Variants in CCDC7 observed in about 807,000 individuals in gnomAD.
The protein encoded by CCDC7 is coiled-coil domain containing 7.
In CCDC7, 183 loss-of-function variants were observed where a neutral mutation model predicts 196.9. The observed-to-expected ratio is 0.93, with a 90% CI of 0.82 to 1.05. The LOEUF (loss-of-function observed/expected upper bound fraction) is 1.05. Among genes scored for constraint, CCDC7 ranks in the 50% least tolerant of loss-of-function variants. CCDC7 has a pLI of 0.00. For missense variants in CCDC7, 1,540 were observed against 1,482.2 expected, an observed-to-expected ratio of 1.04 and a Z score of -0.64; for synonymous variants, 525 against 484.6, an observed-to-expected ratio of 1.08 and a Z score of -1.10.
chr10:32,481,962 G>A (rs1160080644), intron 8 of CCDC7, among the ~76,000 whole-genome samples: 1 of 151,954 alleles, frequency 6.6e-6, no homozygotes, highest in African/African-American at 2.4e-5. Flanking sequence ...TGACAGTTTG[G>A]TTATAATACA....
intron 24 of CCDC7, among the ~76,000 whole-genome samples, chr10:32,708,329 A>T (rs1378728344): frequency 6.6e-6 from 1 of 152,182 alleles, no homozygotes; most frequent in South Asian, 2.1e-4. Context: ...ATTCACATGG[A>T]TTAAAGACTT....
chr10:32,592,376 T>C (rs2059859837), intron 18 of CCDC7, among the ~76,000 whole-genome samples: 1 of 152,094 alleles, frequency 6.6e-6, no homozygotes, highest in African/African-American at 2.4e-5. Context: ...TCTGCTAGCT[T>C]TGGATTTAGG....
At position 32,492,134 on chromosome 10, in the gene CCDC7, G is replaced by C. The variant is rs2042252835; in HGVS notation, c.872+137G>C. On this transcript the variant is annotated intron_variant, in intron 9 of 41. Coordinates refer to ENST00000639629, the Ensembl canonical transcript of CCDC7. ...ATTGCAGAAATATTGAAAACATAAA[G>C]AAGAAAATAACACCTCTATCAACAA... 3 of 842,236 alleles carry C rather than the reference G, an allele frequency of 3.6e-6. No individual in the cohort carries two copies. The South Asian group carries it at 1.1e-4, about 32-fold the overall frequency. 52.2% of individuals were successfully genotyped at this position (842,236 alleles called of 1,614,324 possible). A position where few individuals can be genotyped will look rare whatever the true frequency, so the allele number is the denominator to read the frequency against.
intron 18 of CCDC7, among the ~76,000 whole-genome samples, chr10:32,591,231 T>C (rs544752635): frequency 1.3e-5 from 2 of 152,054 alleles, no homozygotes; most frequent in Non-Finnish European, 2.9e-5. Flanking sequence ...CATTGTTTTT[T>C]ATTCTTTTTT....
intron 30 of CCDC7, among the ~76,000 whole-genome samples, chr10:32,808,046 C>A (rs2086231177): frequency 6.6e-6 from 1 of 152,112 alleles, no homozygotes; most frequent in Admixed American, 6.5e-5. Flanking sequence ...CAATCCTACC[C>A]AGCGGCAGGA....
intron 41 of CCDC7, among the ~76,000 whole-genome samples, chr10:32,857,893 A>G (rs1471907659): frequency 1.3e-5 from 2 of 152,168 alleles, no homozygotes; most frequent in East Asian, 3.9e-4. Flanking sequence ...TGCTAGGCAA[A>G]CTAAGAAAAG....
chr10:32,698,012 AATATT>A (rs1213490461), intron 24 of CCDC7, among the ~76,000 whole-genome samples: 3 of 152,308 alleles, frequency 2.0e-5, no homozygotes, highest in South Asian at 2.1e-4. Flanking sequence ...GCTCTTCTGC[AATATT>A]ATATTTGCTG....
chr10:32,534,626 C>T (rs1184902190), intron 11 of CCDC7, among the ~76,000 whole-genome samples: 1 of 152,008 alleles, frequency 6.6e-6, no homozygotes, highest in Non-Finnish European at 1.5e-5. Flanking sequence ...TTGACCTCAG[C>T]TCTAGTAAAT....
chr10:32,696,701 A>G (rs1019476820), intron 24 of CCDC7, among the ~76,000 whole-genome samples: 6 of 152,098 alleles, frequency 3.9e-5, no homozygotes, highest in African/African-American at 1.4e-4. Context: ...GTGAGTCCTT[A>G]TTGTTGGGTA....
chr10:32,855,032 T>A (rs2093695971), intron 41 of CCDC7, among the ~76,000 whole-genome samples: 1 of 152,218 alleles, frequency 6.6e-6, no homozygotes, highest in Admixed American at 6.5e-5. Context: ...TGCTAGTAAA[T>A]GCATGAAATG....
At chr10:32,486,459 A>C (rs1347498676) in intron 8 of CCDC7, among the ~76,000 whole-genome samples, 2 of 150,972 alleles carry the variant, frequency 1.3e-5, no homozygotes, top group Non-Finnish European at 2.9e-5. Context: ...CCAATTTGCC[A>C]GTCTGTGTCT....
intron 24 of CCDC7, among the ~76,000 whole-genome samples, chr10:32,706,849 G>A (rs930615766): frequency 6.6e-6 from 1 of 152,164 alleles, no homozygotes; most frequent in Non-Finnish European, 1.5e-5. Flanking sequence ...ACCAAAAAAG[G>A]TCCAGGACCT....
chr10:32,776,246 C>T lies in CCDC7; in HGVS notation c.2906-2731C>T, dbSNP rs185594650. ...TGTATACATATGTAACTAACCTGCA[C>T]AATGTGCACATGTACCCTAAAACTT... On this transcript the variant is annotated intron_variant, in intron 28 of 41. Coordinates refer to ENST00000639629, the Ensembl canonical transcript of CCDC7. Among the ~76,000 whole-genome samples, 1,192 of 150,344 alleles carry T rather than the reference C, an allele frequency of 7.9e-3. 7 individuals carry two copies. Among genetic ancestry groups the T allele is most frequent in the Middle Eastern group, 0.021 (6 of 290 alleles).
intron 21 of CCDC7, among the ~76,000 whole-genome samples, chr10:32,682,669 CT>C (rs1472014076): frequency 6.6e-6 from 1 of 152,110 alleles, no homozygotes; most frequent in African/African-American, 2.4e-5. Context: ...TTATTTCTGA[CT>C]TTTTAGTAGT....
intron 21 of CCDC7, among the ~76,000 whole-genome samples, chr10:32,673,328 T>A (rs1402242395): frequency 1.3e-5 from 2 of 152,126 alleles, no homozygotes; most frequent in South Asian, 2.1e-4. Flanking sequence ...TGTAAAAGTG[T>A]GCCATTGGTA....
intron 40 of CCDC7, 43 bp from the exon 42 acceptor site, chr10:32,854,357 T>A (rs749785811): frequency 9.0e-7 from 1 of 1,114,104 alleles, no homozygotes; most frequent in Admixed American, 2.2e-5. Context: ...TGAAATTACT[T>A]AATTTACCAC....
chr10:32,531,788 T>C (rs555548395), intron 11 of CCDC7, among the ~76,000 whole-genome samples: 7 of 152,314 alleles, frequency 4.6e-5, no homozygotes, highest in African/African-American at 7.2e-5. Context: ...GTAGGTTGAG[T>C]GTGTCCAGGA....
At chr10:32,748,404 C>T (rs1328258891) in intron 28 of CCDC7, among the ~76,000 whole-genome samples, 1 of 152,148 alleles carries the variant, frequency 6.6e-6, no homozygotes, top group Non-Finnish European at 1.5e-5. Flanking sequence ...ACCTTGTATC[C>T]TGCAACCTTG....
chr10:32,854,357 T>C lies in CCDC7; in HGVS notation c.4022-43T>C, dbSNP rs749785811. 4 of 1,114,222 alleles carry C rather than the reference T, an allele frequency of 3.6e-6. No homozygotes were observed. The Admixed American group carries it at 8.8e-5, about 25-fold the overall frequency. 69.0% of individuals were successfully genotyped at this position (1,114,222 alleles called of 1,614,324 possible). On this transcript the variant is annotated intron_variant, in intron 40 of 41. Coordinates refer to ENST00000639629, the Ensembl canonical transcript of CCDC7. Reference sequence around the variant, plus strand: ...TAACATTTTAAAAGTTGAAATTACTTAATTTACCACATAATTTAATAACAC... The same window carrying C: ...TAACATTTTAAAAGTTGAAATTACTCAATTTACCACATAATTTAATAACAC...
Sources: gnomAD v4.1 joint callset for allele counts (sites outside exome capture counted in the v4.1 genomes callset) on GRCh38, gnomAD v4.1.1 for gene constraint, MANE v1.5 for transcripts, NCBI Gene and HGNC (gene_info 2026-07-23, HGNC 2026-07-21) for gene names.